The following NPSR1 variants were observed in gnomAD, a reference collection of about 807,000 sequenced individuals.
NPSR1 encodes neuropeptide S receptor 1, also known as neuropeptide S receptor.
In NPSR1, 48 loss-of-function variants were observed where a neutral mutation model predicts 46.9. That is an observed-to-expected ratio of 1.02 (90% CI 0.81 to 1.30). NPSR1 has a LOEUF of 1.30. Ranked by LOEUF, NPSR1 falls within the 50% of genes most tolerant of loss-of-function variation. NPSR1 has a pLI of 0.00. For missense variants in NPSR1, 450 were observed against 449.5 expected, an observed-to-expected ratio of 1.00 and a Z score of -0.01; for synonymous variants, 176 against 168.1, an observed-to-expected ratio of 1.05 and a Z score of -0.36.
At chr7:34,719,551 G>C (rs1204103218) in intron 2 of NPSR1, 1 of 152,144 alleles carries the variant, frequency 6.6e-6, no homozygotes, top group African/African-American at 2.4e-5. Flanking sequence ...TCTATGCACT[G>C]CTAAGACATT....
At chr7:34,861,061 T>C (rs1175079193) in intron 8 of NPSR1, among the ~76,000 whole-genome samples, 1 of 151,816 alleles carries the variant, frequency 6.6e-6, no homozygotes, top group Non-Finnish European at 1.5e-5. Flanking sequence ...TAGCCAATGC[T>C]GATTGAGGCT....
chr7:34,833,521 C>T lies in NPSR1; in HGVS notation c.681-863C>T, dbSNP rs192610815. Among the ~76,000 whole-genome samples, 680 of 152,322 alleles carry T rather than the reference C, an allele frequency of 4.5e-3. 5 individuals carry two copies. The highest frequency in any genetic ancestry group is 7.6e-3 in the Non-Finnish European group (517 of 68,036). ...TGTCACATCTGATACTCAAAAAGTT[C>T]GAGAGGTCTGTATTGTTAACACCAT... On this transcript the variant is annotated intron_variant, in intron 5 of 8. Coordinates refer to ENST00000360581, the MANE Select transcript of NPSR1 (RefSeq NM_207172.2).
intron 2 of NPSR1, among the ~76,000 whole-genome samples, chr7:34,767,584 G>T (rs995916812): frequency 1.2e-4 from 18 of 152,086 alleles, no homozygotes; most frequent in African/African-American, 4.3e-4. Context: ...GTAAGAAAAG[G>T]ACAAAGAAAG....
intron 8 of NPSR1, among the ~76,000 whole-genome samples, chr7:34,864,691 A>C (rs1791268914): frequency 6.6e-6 from 1 of 151,886 alleles, no homozygotes; most frequent in South Asian, 2.1e-4. Flanking sequence ...GTCCAAATAT[A>C]ACTTCCTTTT....
At chr7:34,727,258 C>T (rs748153378) in intron 2 of NPSR1, among the ~76,000 whole-genome samples, 1 of 151,988 alleles carries the variant, frequency 6.6e-6, no homozygotes, top group Admixed American at 6.6e-5. Flanking sequence ...GGAGTGGAGG[C>T]TATCTTCAAA....
At position 34,703,371 on chromosome 7, in the gene NPSR1, AAAATAAATAAAT is replaced by A. The variant is rs35157717; in HGVS notation, c.280+18711_280+18722del. Among the ~76,000 whole-genome samples, 121 of 148,654 alleles carry A rather than the reference AAAATAAATAAAT, an allele frequency of 8.1e-4. No individual in the cohort carries two copies. The East Asian group carries it at 0.01, about 12-fold the overall frequency. On this transcript the variant is annotated intron_variant, in intron 2 of 8. Transcript: ENST00000360581. ...GGGTGACAGAGCAAGACTCCGTCTC[AAAATAAATAAAT>A]AAATAAATAAATAAATAAATAAAGC...
chr7:34,683,032 C>T (rs772728066), intron 1 of NPSR1, among the ~76,000 whole-genome samples: 1 of 152,160 alleles, frequency 6.6e-6, no homozygotes, highest in Non-Finnish European at 1.5e-5. Context: ...TTCCACAGTT[C>T]TGCAGTTCCA....
At chr7:34,722,817 T>A (rs1292546528) in intron 2 of NPSR1, among the ~76,000 whole-genome samples, 1 of 152,104 alleles carries the variant, frequency 6.6e-6, no homozygotes. Flanking sequence ...GAGGGAAGTG[T>A]CTTGAGCCAC....
chr7:34,790,670 G>A (rs1034011776), intron 3 of NPSR1, among the ~76,000 whole-genome samples: 1 of 113,294 alleles, frequency 8.8e-6, no homozygotes, highest in Non-Finnish European at 1.9e-5. Flanking sequence ...ATAAATATAT[G>A]TTATATGTTC....
intron 2 of NPSR1, chr7:34,711,025 ATT>A (rs1783256169): frequency 2.8e-6 from 1 of 357,188 alleles, no homozygotes; most frequent in Admixed American, 3.2e-5. Flanking sequence ...GCAAATTGGC[ATT>A]TGTCATCAGG....
chr7:34,818,241 C>T (rs11767353), intron 4 of NPSR1, among the ~76,000 whole-genome samples: 12,329 of 151,810 alleles, frequency 0.081, 594 homozygotes, highest in East Asian at 0.12. Context: ...AAAATCAATG[C>T]GCAAAAATCA....
At chr7:34,827,370 A>T in intron 4 of NPSR1, 31 bp from the exon 5 acceptor site, 1 of 1,605,720 alleles carries the variant, frequency 6.2e-7, no homozygotes, top group Non-Finnish European at 8.5e-7. Context: ...GTTGCCACAT[A>T]CCCAGACATT....
At chr7:34,763,307 T>C (rs923389734) in intron 2 of NPSR1, among the ~76,000 whole-genome samples, 1 of 152,178 alleles carries the variant, frequency 6.6e-6, no homozygotes, top group Admixed American at 6.6e-5. Flanking sequence ...TTGAACGAGA[T>C]GATTAATGTG....
At chr7:34,871,731 A>G (rs1592418) in intron 8 of NPSR1, 54,335 of 151,762 alleles carry the variant, frequency 0.36, 10,893 homozygotes, top group African/African-American at 0.5. Context: ...GACAGTCATC[A>G]CGTTTTAAAG....
chr7:34,752,590 GT>G (rs1261905151), intron 2 of NPSR1, among the ~76,000 whole-genome samples: 5 of 152,142 alleles, frequency 3.3e-5, no homozygotes, highest in African/African-American at 1.2e-4. Flanking sequence ...AGAGTTGTCA[GT>G]GACACCTGGC....
chr7:34,750,365 A>G, intron 2 of NPSR1: 1 of 736,630 alleles, frequency 1.4e-6, no homozygotes, highest in South Asian at 1.4e-5. Context: ...ACTTGAGAAG[A>G]CAACTTTTGG....
chr7:34,862,197 C>T (rs1216260356), intron 8 of NPSR1, among the ~76,000 whole-genome samples: 1 of 151,672 alleles, frequency 6.6e-6, no homozygotes, highest in African/African-American at 2.4e-5. Context: ...AGGCAGGAGA[C>T]TGGAAGCAAG....
At chr7:34,768,955 T>C (rs1253070091) in intron 2 of NPSR1, among the ~76,000 whole-genome samples, 1 of 152,102 alleles carries the variant, frequency 6.6e-6, no homozygotes, top group Non-Finnish European at 1.5e-5. Context: ...CAGACAGTGG[T>C]GCTATCAAGT....
intron 2 of NPSR1, chr7:34,768,491 T>C (rs1362051816): frequency 6.6e-6 from 1 of 152,182 alleles, no homozygotes. Context: ...TTTTTCTTAA[T>C]GTTAAATGAC....
Sources: gnomAD v4.1 joint callset for allele counts (sites outside exome capture counted in the v4.1 genomes callset) on GRCh38, gnomAD v4.1.1 for gene constraint, MANE v1.5 for transcripts, NCBI Gene and HGNC (gene_info 2026-07-23, HGNC 2026-07-21) for gene names.